The following IL17REL variants were observed in gnomAD, a reference collection of about 807,000 sequenced individuals.
The protein encoded by IL17REL is interleukin-17 receptor E-like protein.
In IL17REL, 36 loss-of-function variants were observed where a neutral mutation model predicts 49.0. The observed-to-expected ratio is 0.73, with a 90% CI of 0.56 to 0.97. The LOEUF is 0.97. Ranked by LOEUF, IL17REL falls within the 50% of genes least tolerant of loss-of-function variation. IL17REL has a pLI of 0.00. For synonymous variants in IL17REL, 206 were observed against 192.4 expected (o/e 1.07, Z -0.58); for missense variants, 470 against 453.9 (o/e 1.04, Z -0.32).
downstream of IL17REL, among the ~76,000 whole-genome samples, chr22:49,992,639 A>G (rs1385738780): frequency 1.3e-5 from 2 of 152,006 alleles, no homozygotes; most frequent in Non-Finnish European, 2.9e-5. Context: ...TATTTTTAAG[A>G]TGGTGTCTCA....
exon 8 of IL17REL, chr22:49,998,259 T>G: frequency 6.2e-7 from 1 of 1,612,366 alleles, no homozygotes; most frequent in Non-Finnish European, 8.5e-7. Flanking sequence ...AGTGTCTGGC[T>G]CTCCGGGTGG....
At chr22:49,999,459 C>T (rs371867167) in exon 6 of IL17REL, 33 of 1,611,270 alleles carry the variant, frequency 2.0e-5, no homozygotes, top group African/African-American at 5.3e-5. Context: ...CAGCTCCTGG[C>T]TGTAGGGCAG....
chr22:50,011,744 C>G (rs1012799328), upstream of IL17REL, among the ~76,000 whole-genome samples: 1 of 152,166 alleles, frequency 6.6e-6, no homozygotes, highest in African/African-American at 2.4e-5. Flanking sequence ...GCCCATGGCA[C>G]CCAGCACTCC....
At chr22:50,012,253 C>T (rs911447328), upstream of IL17REL, among the ~76,000 whole-genome samples, 1 of 152,228 alleles carries the variant, frequency 6.6e-6, no homozygotes, top group Admixed American at 6.5e-5. Flanking sequence ...GTGGGAGCCC[C>T]GGATGGGCTT....
At chr22:50,000,889 G>T in intron 2 of IL17REL, 26 bp from the exon 4 acceptor site, 2 of 1,492,244 alleles carry the variant, frequency 1.3e-6, no homozygotes, top group East Asian at 2.4e-5. Flanking sequence ...ACCCGGCAGG[G>T]TGCATCAGAG....
At chr22:50,008,385 G>T (rs913990065) in intron 1 of IL17REL, among the ~76,000 whole-genome samples, 1 of 152,242 alleles carries the variant, frequency 6.6e-6, no homozygotes, top group African/African-American at 2.4e-5. Flanking sequence ...ACGAGGCATT[G>T]TGCGTTAAGT....
chr22:50,000,093 A>G, intron 4 of IL17REL, 103 bp downstream of exon 6: 2 of 1,093,968 alleles, frequency 1.8e-6, no homozygotes, highest in South Asian at 3.9e-5. Flanking sequence ...CGCCCGCCCG[A>G]GGGCCCCTCA....
chr22:50,006,758 C>G (rs914921556), intron 1 of IL17REL, among the ~76,000 whole-genome samples: 1 of 152,010 alleles, frequency 6.6e-6, no homozygotes, highest in Non-Finnish European at 1.5e-5. Context: ...TCGAGACCAG[C>G]CTGGCCAACA....
At chr22:50,009,822 A>C (rs1051970025), upstream of IL17REL, among the ~76,000 whole-genome samples, 1 of 150,430 alleles carries the variant, frequency 6.6e-6, no homozygotes, top group Non-Finnish European at 1.5e-5. Context: ...TTAGATTTAC[A>C]GAGAGTTTAC....
exon 13 of IL17REL, chr22:49,995,479 C>G (rs960010915): frequency 1.3e-5 from 2 of 152,320 alleles, no homozygotes; most frequent in Admixed American, 1.3e-4. Flanking sequence ...CCCACACTCT[C>G]GGAGGGGGGC....
rs201161568 is a variant in IL17REL, at chr22:50,008,112, G to GA, written c.-42+524dup. Reference sequence around the variant, plus strand: ...CTATTCCTATGAAAATCAAAAATAAGAAAAAAAACCCCAAAATGCCTAGAG... The same window carrying GA: ...CTATTCCTATGAAAATCAAAAATAAGAAAAAAAAACCCCAAAATGCCTAGAG... On this transcript the variant is annotated intron_variant, in intron 1 of 12. Transcript: ENST00000341280. 1.3e-3 allele frequency among the ~76,000 whole-genome samples: 195 copies of GA among 152,088 alleles called. 1 individual carries two copies. Among genetic ancestry groups the GA allele is most frequent in the African/African-American group, 4.1e-3 (170 of 41,500 alleles).
chr22:49,999,348 G>A lies in IL17REL; in HGVS notation c.547-3C>T. 6.2e-7 allele frequency: 1 copy of A among 1,612,948 alleles called. No homozygotes were observed. Among genetic ancestry groups the A allele is most frequent in the Non-Finnish European group, 8.5e-7 (1 of 1,179,994 alleles). The stretch of plus-strand genomic sequence containing the variant: ...GCGTCAGGGGTCGCAGACCAGCCCT[G>A]TGGGAGGGGCTGGGGTCAGCGCAGC... On this transcript the variant is annotated splice_region_variant and splice_polypyrimidine_tract_variant and intron_variant, in intron 6 of 12. Transcript: ENST00000341280.
At chr22:49,993,803 G>T (rs998009196), downstream of IL17REL, among the ~76,000 whole-genome samples, 1 of 152,154 alleles carries the variant, frequency 6.6e-6, no homozygotes, top group Non-Finnish European at 1.5e-5. The surrounding 1 kb of genome is among the most constrained non-coding windows in gnomAD (Gnocchi z 6.0). Flanking sequence ...CAGGATTCCC[G>T]GAGTAGCCCT....
intron 1 of IL17REL, among the ~76,000 whole-genome samples, chr22:50,002,873 G>C (rs2061087003): frequency 6.6e-6 from 1 of 152,244 alleles, no homozygotes; most frequent in African/African-American, 2.4e-5. Context: ...GCCTGAGACA[G>C]CTGGGAAACC....
At chr22:49,996,962 G>A in intron 12 of IL17REL, 32 bp downstream of exon 14, 3 of 1,174,338 alleles carry the variant, frequency 2.6e-6, no homozygotes, top group Non-Finnish European at 2.4e-6. Context: ...TGGAGGAGAT[G>A]GCTAGGGGCT....
At chr22:50,002,607 G>GCCT (rs1195229462) in intron 1 of IL17REL, among the ~76,000 whole-genome samples, 1 of 149,434 alleles carries the variant, frequency 6.7e-6, no homozygotes, top group East Asian at 2.0e-4. Context: ...CAATTCTCCT[G>GCCT]CCTCAGCCTC....
chr22:49,993,843 A>G (rs2061018130), downstream of IL17REL, among the ~76,000 whole-genome samples: 1 of 152,108 alleles, frequency 6.6e-6, no homozygotes, highest in Non-Finnish European at 1.5e-5. The surrounding 1 kb of genome is among the most constrained non-coding windows in gnomAD (Gnocchi z 6.0). Context: ...TGTGCACCAC[A>G]GGGAGCACCC....
chr22:49,998,814 C>A (rs938088453), intron 7 of IL17REL, among the ~76,000 whole-genome samples: 4 of 145,394 alleles, frequency 2.8e-5, no homozygotes, highest in African/African-American at 1.0e-4. Context: ...TGCCTGCCTG[C>A]GCGTGGGTGT....
intron 4 of IL17REL, 62 bp from the exon 7 acceptor site, chr22:50,000,029 C>G: frequency 7.1e-7 from 1 of 1,406,260 alleles, no homozygotes; most frequent in South Asian, 1.5e-5. Context: ...GGGGCTCTGT[C>G]TGTCCCGAGA....
Sources: gnomAD v4.1 joint callset for allele counts (sites outside exome capture counted in the v4.1 genomes callset) on GRCh38, gnomAD v4.1.1 for gene constraint, Gnocchi (gnomAD v3.1) non-coding constraint, MANE v1.5 for transcripts, NCBI Gene and HGNC (gene_info 2026-07-23, HGNC 2026-07-21) for gene names.